IQUB: variants seen among roughly 807,000 people sequenced by gnomAD.
IQUB encodes IQ motif and ubiquitin-like domain-containing protein.
In IQUB, 86 loss-of-function variants were observed where a neutral mutation model predicts 86.4. That is an observed-to-expected ratio of 1.00 (90% confidence interval 0.84 to 1.19). The LOEUF is 1.19. IQUB is among the 50% of genes most tolerant of loss of function. The pLI is 0.00. For missense variants in IQUB, 946 were observed against 916.9 expected (o/e 1.03, Z -0.41); for synonymous variants, 289 against 304.5 (o/e 0.95, Z 0.53).
At chr7:123,485,250 A>C (rs1795170311) in intron 7 of IQUB, among the ~76,000 whole-genome samples, 1 of 152,112 alleles carries the variant, frequency 6.6e-6, no homozygotes, top group Admixed American at 6.6e-5. Context: ...CTTGGCTTAC[A>C]GTTGGTTATC....
intron 8 of IQUB, among the ~76,000 whole-genome samples, chr7:123,474,931 T>C (rs1370941193): frequency 6.6e-6 from 1 of 152,236 alleles, no homozygotes; most frequent in Non-Finnish European, 1.5e-5. Context: ...TCTGCCTTGA[T>C]TTCTACAAAT....
chr7:123,490,967 A>G (rs1226664130), intron 7 of IQUB, among the ~76,000 whole-genome samples: 1 of 94,244 alleles, frequency 1.1e-5, no homozygotes, highest in East Asian at 2.8e-4. Flanking sequence ...ACCATCTTGG[A>G]AAAAAAAAAA....
intron 8 of IQUB, among the ~76,000 whole-genome samples, chr7:123,475,943 T>C (rs1259537998): frequency 6.6e-6 from 1 of 152,216 alleles, no homozygotes; most frequent in African/African-American, 2.4e-5. Flanking sequence ...AAATTCATCT[T>C]TCCTAGAATT....
chr7:123,464,806 A>G, intron 10 of IQUB, 27 bp downstream of exon 10: 1 of 1,445,936 alleles, frequency 6.9e-7, no homozygotes, highest in Non-Finnish European at 9.3e-7. Flanking sequence ...ATTTTGAAAC[A>G]GGAATATAGA....
In IQUB at chr7:123,509,986, C is replaced by T. The variant is rs142735395; in HGVS notation, c.447G>A (p.Lys149=). 63 of 1,597,268 alleles carry T rather than the reference C, an allele frequency of 3.9e-5. No individual in the cohort carries two copies. The African/African-American group carries it at 7.9e-4, about 20-fold the overall frequency. ...TAAGATATTTAAGAATGGTATCAAC[C>T]TTAAAAGGTATTACAATTTCCTGGC... The part of the protein sequence containing the change: ...PVGQEIVIPF[K]VDTILKYLKD... Residue 149 remains lysine (K), a synonymous_variant, in exon 3 of 13, where the codon AAG becomes AAA. Transcript: ENST00000324698.
At chr7:123,490,083 C>T (rs1272255350) in intron 7 of IQUB, among the ~76,000 whole-genome samples, 1 of 151,534 alleles carries the variant, frequency 6.6e-6, no homozygotes, top group Non-Finnish European at 1.5e-5. Flanking sequence ...TCTAAACATC[C>T]AAATTAAAAG....
At chr7:123,495,621 A>T (rs1016842267) in intron 7 of IQUB, among the ~76,000 whole-genome samples, 25 of 152,236 alleles carry the variant, frequency 1.6e-4, no homozygotes, top group African/African-American at 6.0e-4. Context: ...TAGGTTTTAA[A>T]TTTTTCTGTG....
rs951027777 is a variant in IQUB, at chr7:123,461,227, A to G, written c.2007+130T>C. 3 of 939,400 alleles carry G rather than the reference A, an allele frequency of 3.2e-6. No homozygotes were observed. The African/African-American group carries it at 4.9e-5, about 15-fold the overall frequency. The allele number at this position is 939,400 out of a possible 1,614,324, so 58.2% of individuals were successfully genotyped here. On this transcript the variant is annotated intron_variant, in intron 11 of 12. Transcript: ENST00000324698. ...GGAAAAAAAGCATACTCCTGCCCTC[A>G]CAGAGCTTACAGTCTAGTGGAATAG...
At chr7:123,514,155 T>C (rs1016133197) in intron 1 of IQUB, among the ~76,000 whole-genome samples, 1 of 152,190 alleles carries the variant, frequency 6.6e-6, no homozygotes, top group East Asian at 1.9e-4. Context: ...ATATAACATC[T>C]GCTGTTTTGA....
chr7:123,487,585 C>T (rs1218281301), intron 7 of IQUB, among the ~76,000 whole-genome samples: 1 of 152,142 alleles, frequency 6.6e-6, no homozygotes, highest in Non-Finnish European at 1.5e-5. Context: ...ATTATCACAC[C>T]AGAGAATTTT....
At chr7:123,533,833 AT>A (rs368028480) in intron 1 of IQUB, among the ~76,000 whole-genome samples, 1 of 152,108 alleles carries the variant, frequency 6.6e-6, no homozygotes, top group Non-Finnish European at 1.5e-5. Flanking sequence ...TATTCGAACT[AT>A]TTTTTTATGT....
intron 7 of IQUB, among the ~76,000 whole-genome samples, chr7:123,485,385 CT>C (rs1202337977): frequency 6.6e-6 from 1 of 152,068 alleles, no homozygotes; most frequent in Non-Finnish European, 1.5e-5. Flanking sequence ...TTAATTATCT[CT>C]TTAAAAGCCC....
intron 1 of IQUB, among the ~76,000 whole-genome samples, chr7:123,527,023 G>C (rs1401692696): frequency 6.6e-6 from 1 of 151,946 alleles, no homozygotes; most frequent in Non-Finnish European, 1.5e-5. Context: ...TTGAATATTG[G>C]CCTCCACTTT....
chr7:123,521,471 T>C (rs1217864417), intron 1 of IQUB, among the ~76,000 whole-genome samples: 1 of 152,082 alleles, frequency 6.6e-6, no homozygotes, highest in African/African-American at 2.4e-5. Flanking sequence ...AGTGAGACCC[T>C]GTCTCTACAA....
chr7:123,491,779 C>T (rs898572566), intron 7 of IQUB, among the ~76,000 whole-genome samples: 6 of 152,070 alleles, frequency 3.9e-5, no homozygotes, highest in South Asian at 2.1e-4. Context: ...TAATTCTACA[C>T]GAACTGTTTT....
Position 123,479,848 on chromosome 7 carries a change from A to T in IQUB, c.1357T>A (p.Tyr453Asn), listed in dbSNP as rs750163980. The stretch of plus-strand genomic sequence containing the variant: ...TCCTGATTTGCCATATAAGCAATGT[A>T]TCTATGTCTCCCAATGGAAGCAATT... ...QIIASIGRHRYIAYMANQEAA... is the reference protein window; with the variant it reads ...QIIASIGRHRNIAYMANQEAA... The change falls in exon 8 of 13, where the codon TAC (tyrosine) becomes AAC (asparagine). Residue 453 changes from tyrosine to asparagine, a missense_variant. Coordinates refer to ENST00000324698, the MANE Select transcript of IQUB (RefSeq NM_178827.5). 6.2e-7 allele frequency: 1 copy of T among 1,613,174 alleles called. No homozygotes were observed. The highest frequency in any genetic ancestry group is 1.7e-5 in the Admixed American group (1 of 59,906).
intron 1 of IQUB, among the ~76,000 whole-genome samples, chr7:123,528,023 C>G (rs572060549): frequency 6.6e-6 from 1 of 152,340 alleles, no homozygotes; most frequent in South Asian, 2.1e-4. Flanking sequence ...CCTGGTCCGC[C>G]GTTTTTTAAG....
intron 1 of IQUB, among the ~76,000 whole-genome samples, chr7:123,531,600 C>A (rs1562883319): frequency 6.6e-6 from 1 of 152,230 alleles, no homozygotes; most frequent in Admixed American, 6.5e-5. Flanking sequence ...TTTTCCTGAT[C>A]ATAATTTTCA....
chr7:123,491,337 A>T (rs1035167353), intron 7 of IQUB, among the ~76,000 whole-genome samples: 2 of 152,158 alleles, frequency 1.3e-5, no homozygotes, highest in African/African-American at 4.8e-5. Context: ...AACCAAAGGT[A>T]AGCATAATGA....
Sources: allele counts gnomAD v4.1 joint callset (sites outside exome capture counted in the v4.1 genomes callset), GRCh38; gene constraint gnomAD v4.1.1; transcripts MANE v1.5; gene names NCBI Gene and HGNC (gene_info 2026-07-23, HGNC 2026-07-21).